MAP3K6: variants seen among roughly 807,000 people sequenced by gnomAD.
MAP3K6 encodes the protein apoptosis signal-regulating kinase 2.
Under a neutral mutation model 147.1 loss-of-function variants are expected in MAP3K6, and 105 were observed. The ratio of observed to expected loss-of-function variants is 0.71; its 90% confidence interval spans 0.61 to 0.84. The LOEUF is 0.84. MAP3K6 is among the 40% of genes least tolerant of loss of function. The pLI is 0.00. For synonymous variants in MAP3K6, 695 were observed against 732.4 expected, an observed-to-expected ratio of 0.95 and a Z score of 0.82; for missense variants, 1,569 against 1,715.0, an observed-to-expected ratio of 0.91 and a Z score of 1.50.
rs1021324218 is a variant in MAP3K6 at position 27,362,543 on chromosome 1, C to T, written c.1255+98G>A. 2.4e-5 allele frequency: 23 copies of T among 965,958 alleles called. No individual in the cohort carries two copies. In the African/African-American group the frequency reaches 3.3e-4, roughly 14 times the overall value. 59.8% of individuals were successfully genotyped at this position (965,958 alleles called of 1,614,324 possible). ...CAGGACAGTCCAAAATGGATGAGCTCATCCTAGCTCTTGCCCAGTGTGCTC... is the reference window on the plus strand; with the variant it reads ...CAGGACAGTCCAAAATGGATGAGCTTATCCTAGCTCTTGCCCAGTGTGCTC... On this transcript the variant is annotated intron_variant, in intron 8 of 28. Coordinates refer to ENST00000357582, the MANE Select transcript of MAP3K6 (RefSeq NM_004672.5).
chr1:27,366,769 T>C lies in MAP3K6; in HGVS notation c.-172A>G. On this transcript the variant is annotated 5_prime_UTR_variant, in exon 1 of 29. Coordinates refer to ENST00000357582, the MANE Select transcript of MAP3K6 (RefSeq NM_004672.5). This position sits in a 1 kb window ranked among gnomAD's most constrained non-coding sequence, Gnocchi z 5.5. ...GACGTCCCGTTCCAGGAATCTAAAG[T>C]CCAGGGAGAAATCCTAGCTCGGACT... The C allele has an allele frequency of 2.6e-6, 1 of 378,498 alleles. No homozygotes were observed. Among genetic ancestry groups the C allele is most frequent in the Non-Finnish European group, 3.7e-6 (1 of 271,992 alleles). 23.4% of individuals were successfully genotyped at this position (378,498 alleles called of 1,614,324 possible). A position where few individuals can be genotyped will look rare whatever the true frequency, so the allele number is the denominator to read the frequency against.
chr1:27,357,143 C>T lies in MAP3K6; in HGVS notation c.3259-29G>A, dbSNP rs1397813240. ...CAGGGGGAGGGAGGCGCCGCTGAGA[C>T]AGCTGAGCCTCAACTAGAGGCAGGG... On this transcript the variant is annotated intron_variant, in intron 23 of 28. Transcript: ENST00000357582. The T allele has an allele frequency of 2.5e-6, 4 of 1,588,214 alleles. No homozygotes were observed. In the African/African-American group the frequency reaches 5.4e-5, roughly 21 times the overall value.
chr1:27,356,343 T>C lies in MAP3K6; in HGVS notation c.3637+45A>G, dbSNP rs58415136. The C allele has an allele frequency of 4.8e-3, 7,300 of 1,517,894 alleles. 282 individuals carry two copies. The African/African-American group carries it at 0.086, about 18-fold the overall frequency. 94.0% of individuals were successfully genotyped at this position (1,517,894 alleles called of 1,614,324 possible). ...CCCAAGGGTGCCTTGTGCTAGAAGC[T>C]GCCTTGAACCCACCAATAATGTTCT... On this transcript the variant is annotated intron_variant, in intron 26 of 28. Transcript: ENST00000357582.
intron 8 of MAP3K6, 101 bp downstream of exon 8, chr1:27,362,540 G>T: frequency 1.1e-6 from 1 of 945,704 alleles, no homozygotes; most frequent in Non-Finnish European, 1.6e-6. Flanking sequence ...AAATGGATGA[G>T]CTCATCCTAG....
Position 27,364,871 on chromosome 1 carries a change from A to G in MAP3K6, c.382T>C (p.Ser128Pro), listed in dbSNP as rs745879197. Residue 128 changes from serine to proline, a missense_variant, in exon 2 of 29, where the codon TCC (serine) becomes CCC (proline). Physicochemically the swap from Ser to Pro is moderately conservative, Grantham distance 74. Transcript: ENST00000357582. The surrounding 1 kb of genome is among the most constrained non-coding windows in gnomAD (Gnocchi z 4.4). ...CGCACACCAAGGTGGTAGAACAGGG[A>G]GGGCTGTACCAGCGAGCTGCTCACC... ...LEVSSSLVQP[S>P]LFYHLGVRES... 6.2e-7 allele frequency: 1 copy of G among 1,608,646 alleles called. No homozygotes were observed. The highest frequency in any genetic ancestry group is 8.5e-7 in the Non-Finnish European group (1 of 1,175,882).
In MAP3K6 at chr1:27,360,162, C is replaced by G. The variant is rs923422488; in HGVS notation, c.2182+79G>C. The G allele has an allele frequency of 2.5e-6, 4 of 1,593,418 alleles. No homozygotes were observed. In the South Asian group the frequency reaches 3.4e-5, roughly 14 times the overall value. On this transcript the variant is annotated intron_variant, in intron 16 of 28. Coordinates refer to ENST00000357582, the MANE Select transcript of MAP3K6 (RefSeq NM_004672.5). This position sits in a 1 kb window ranked among gnomAD's most constrained non-coding sequence, Gnocchi z 4.5. ...CACACGCACTAGGGTGCATTTCCCC[C>G]TAGGGCTCTCTACCCCTGCCTGCCT...
intron 6 of MAP3K6, 81 bp from the exon 7 acceptor site, chr1:27,363,102 G>T: frequency 7.4e-7 from 1 of 1,342,850 alleles, no homozygotes; most frequent in Non-Finnish European, 1.0e-6. Flanking sequence ...GAACCAGCAG[G>T]GACCCTTCCA....
chr1:27,363,484 T>C lies in MAP3K6; in HGVS notation c.929A>G (p.Glu310Gly). Reference sequence around the variant, plus strand: ...GTAGTGGAAGCAGACATTATGCTGCTCGGCCACATCACAGGTGGGCAAGGC... The same window carrying C: ...GTAGTGGAAGCAGACATTATGCTGCCCGGCCACATCACAGGTGGGCAAGGC... Reference protein sequence around the residue: ...LQALPTCDVAEQHNVCFHYTF... With the variant: ...LQALPTCDVAGQHNVCFHYTF... Residue 310 changes from glutamate (E) to glycine (G), a missense_variant, in exon 6 of 29, where the codon GAG becomes GGG. Coordinates refer to ENST00000357582, the MANE Select transcript of MAP3K6 (RefSeq NM_004672.5). 1 of 1,613,818 alleles carries C rather than the reference T, an allele frequency of 6.2e-7. No homozygotes were observed. The highest frequency in any genetic ancestry group is 1.1e-5 in the South Asian group (1 of 91,018).
In MAP3K6 at chr1:27,356,682, G is replaced by A; in HGVS notation, c.3432C>T (p.Ser1144=). The A allele has an allele frequency of 6.2e-7, 1 of 1,609,688 alleles. No individual in the cohort carries two copies. Among genetic ancestry groups the A allele is most frequent in the South Asian group, 1.1e-5 (1 of 90,542 alleles). The change falls in exon 25 of 29, where the codon AGC becomes AGT. Residue 1144 remains serine, a synonymous_variant. Coordinates refer to ENST00000357582, the MANE Select transcript of MAP3K6 (RefSeq NM_004672.5). Reference sequence around the variant, plus strand: ...CCGGAAGCGGGCTCTGCTGGCCTGGGCTCTGCTGGGAGTCCCCTTCATTAC... The same window carrying A: ...CCGGAAGCGGGCTCTGCTGGCCTGGACTCTGCTGGGAGTCCCCTTCATTAC... ...ELSNEGDSQQ[S]PGQQSPLPVE... is the part of the protein sequence containing the mutation.
In MAP3K6 at chr1:27,366,527, G is replaced by A. The variant is rs2015994631; in HGVS notation, c.71C>T (p.Ala24Val). The A allele has an allele frequency of 1.8e-6, 2 of 1,101,978 alleles. No individual in the cohort carries two copies. Among genetic ancestry groups the A allele is most frequent in the South Asian group, 8.6e-5 (2 of 23,162 alleles). The allele number at this position is 1,101,978 out of a possible 1,614,324, so 68.3% of individuals were successfully genotyped here. A position where few individuals can be genotyped will look rare whatever the true frequency, so the allele number is the denominator to read the frequency against. Residue 24 changes from alanine to valine, a missense_variant, in exon 1 of 29, where the codon GCG (alanine) becomes GTG (valine). Coordinates refer to ENST00000357582, the MANE Select transcript of MAP3K6 (RefSeq NM_004672.5). The surrounding 1 kb of genome is among the most constrained non-coding windows in gnomAD (Gnocchi z 5.5). ...CGCGAGCTGCCGGCCCCGGCTCAGC[G>A]CCACGGCCAGCGGGTCCTGCCAGCA... The part of the protein sequence containing the change: ...GSCWQDPLAV[A>V]LSRGRQLAAP...
At chr1:27,356,228 G>C in intron 26 of MAP3K6, 129 bp from the exon 27 acceptor site, 1 of 1,082,136 alleles carries the variant, frequency 9.2e-7, no homozygotes. Flanking sequence ...TGAGCCCAAG[G>C]GTGCCTTGTG....
At position 27,360,206 on chromosome 1, in the gene MAP3K6, C is replaced by T. The variant is rs559832277; in HGVS notation, c.2182+35G>A. On this transcript the variant is annotated intron_variant, in intron 16 of 28. Transcript: ENST00000357582. The surrounding 1 kb of genome is among the most constrained non-coding windows in gnomAD (Gnocchi z 4.5). Reference sequence around the variant, plus strand: ...CCTGCCTCGGTCCCATGCTTCACACCTCGGTTTCATTCCCATCCCACACAG... The same window carrying T: ...CCTGCCTCGGTCCCATGCTTCACACTTCGGTTTCATTCCCATCCCACACAG... 6.2e-7 allele frequency: 1 copy of T among 1,611,184 alleles called. No homozygotes were observed. Among genetic ancestry groups the T allele is most frequent in the South Asian group, 1.1e-5 (1 of 90,842 alleles).
Position 27,361,575 on chromosome 1 carries a change from C to T in MAP3K6, c.1631G>A (p.Arg544Gln), listed in dbSNP as rs146356865. The change falls in exon 11 of 29, where the codon CGG becomes CAG. Residue 544 changes from arginine to glutamine, a missense_variant. Arg to Gln is a conservative substitution (Grantham distance 43). Transcript: ENST00000357582. ...KVLLPAKLEV[R>Q]GTDPVSTVTL... ...CACTGTGCTTACTGGGTCAGTACCCCGAACCTCGAGCTTTGCAGGCAGCAG... is the reference window on the plus strand; with the variant it reads ...CACTGTGCTTACTGGGTCAGTACCCTGAACCTCGAGCTTTGCAGGCAGCAG... The T allele has an allele frequency of 6.8e-6, 11 of 1,614,076 alleles. 1 individual carries two copies. Among genetic ancestry groups the T allele is most frequent in the Middle Eastern group, 3.3e-4 (2 of 6,084 alleles).
chr1:27,365,200 G>C (rs993415587), intron 1 of MAP3K6, among the ~76,000 whole-genome samples: 14 of 152,164 alleles, frequency 9.2e-5, no homozygotes, highest in African/African-American at 3.4e-4. Flanking sequence ...AGTTGAGTCT[G>C]TTACGGGCCA....
At position 27,362,939 on chromosome 1, in the gene MAP3K6, G is replaced by C. The variant is rs1408698853; in HGVS notation, c.1054C>G (p.Leu352Val). 14 of 1,614,142 alleles carry C rather than the reference G, an allele frequency of 8.7e-6. No homozygotes were observed. Among genetic ancestry groups the C allele is most frequent in the Non-Finnish European group, 9.3e-6 (11 of 1,180,012 alleles). ...TAGATACGGCCACACATGCAGTACA[G>C]ATCGGGCGCCACAGAGCCCTCAAGC... ...VQLEGSVAPD[L>V]YCMCGRIYKD... Residue 352 changes from leucine to valine, a missense_variant, in exon 7 of 29, where the codon CTG (leucine) becomes GTG (valine). By Grantham distance (32) the Leu-to-Val change is conservative (BLOSUM62 1). Transcript: ENST00000357582.
At position 27,364,062 on chromosome 1, in the gene MAP3K6, C is replaced by T. The variant is rs752879787; in HGVS notation, c.719G>A (p.Arg240Gln). The T allele has an allele frequency of 6.8e-6, 11 of 1,612,720 alleles. No individual in the cohort carries two copies. Among genetic ancestry groups the T allele is most frequent in the African/African-American group, 2.7e-5 (2 of 74,942 alleles). ...DSCGYFRETIRRDIRQARERF... is the reference protein window; with the variant it reads ...DSCGYFRETIQRDIRQARERF... ...CTCCCGCGCCTGCCGGATGTCCCGC[C>T]GAATGGTCTCCCGGAAATAGCCACT... Residue 240 changes from arginine (R) to glutamine (Q), a missense_variant, in exon 5 of 29, where the codon CGG becomes CAG. Coordinates refer to ENST00000357582, the MANE Select transcript of MAP3K6 (RefSeq NM_004672.5). The surrounding 1 kb of genome is among the most constrained non-coding windows in gnomAD (Gnocchi z 4.4).
chr1:27,362,083 C>A lies in MAP3K6; in HGVS notation c.1415+8G>T. 6.2e-7 allele frequency: 1 copy of A among 1,604,734 alleles called. No homozygotes were observed. The highest frequency in any genetic ancestry group is 8.5e-7 in the Non-Finnish European group (1 of 1,174,772). On this transcript the variant is annotated splice_region_variant and intron_variant, in intron 9 of 28. Transcript: ENST00000357582. ...GGTCAGGCCAAGAATGCAGAGGGGG[C>A]CACCTACCATATGGGGGCATTGAGC...
chr1:27,358,071 C>A lies in MAP3K6; in HGVS notation c.2915+110G>T. ...CAGGGCATGGGGAGGCACCAAATGC[C>A]ACATTCACAAGTGGTCAAGGTGCCC... On this transcript the variant is annotated intron_variant, in intron 21 of 28. Coordinates refer to ENST00000357582, the MANE Select transcript of MAP3K6 (RefSeq NM_004672.5). The surrounding 1 kb of genome is among the most constrained non-coding windows in gnomAD (Gnocchi z 6.2). 6.6e-7 allele frequency: 1 copy of A among 1,509,530 alleles called. No homozygotes were observed. The highest frequency in any genetic ancestry group is 1.3e-5 in the South Asian group (1 of 74,724). 93.5% of individuals were successfully genotyped at this position (1,509,530 alleles called of 1,614,324 possible). A position where few individuals can be genotyped will look rare whatever the true frequency, so the allele number is the denominator to read the frequency against.
chr1:27,357,940 G>A (rs902957227), intron 21 of MAP3K6, 64 bp from the exon 22 acceptor site: 6 of 1,503,168 alleles, frequency 4.0e-6, no homozygotes, highest in African/African-American at 1.4e-5. Flanking sequence ...CTCTGTTGCC[G>A]GGTTTGAATC....
Sources: allele counts gnomAD v4.1 joint callset (sites outside exome capture counted in the v4.1 genomes callset), GRCh38; gene constraint gnomAD v4.1.1; non-coding constraint Gnocchi (gnomAD v3.1); transcripts MANE v1.5; gene names NCBI Gene and HGNC (gene_info 2026-07-23, HGNC 2026-07-21).